The following HIPK2 variants were observed in gnomAD, a reference collection of about 807,000 sequenced individuals.
The protein encoded by HIPK2 is homeodomain-interacting protein kinase 2.
In HIPK2, 27 loss-of-function variants were observed where a neutral mutation model predicts 113.7. That is an observed-to-expected ratio of 0.24 (90% confidence interval 0.17 to 0.33). The LOEUF is 0.33. HIPK2 is among the 10% of genes least tolerant of loss of function. The pLI, the probability that HIPK2 is intolerant of heterozygous loss-of-function variation, is 1.00. For synonymous variants in HIPK2, 631 were observed against 642.2 expected, an observed-to-expected ratio of 0.98 and a Z score of 0.26; for missense variants, 1,257 against 1,588.0, an observed-to-expected ratio of 0.79 and a Z score of 3.54.
At chr7:139,661,278 C>T (rs1449521595) in intron 2 of HIPK2, among the ~76,000 whole-genome samples, 1 of 152,210 alleles carries the variant, frequency 6.6e-6, no homozygotes. Context: ...ATATAAGCGT[C>T]TCTTCTACAG....
At chr7:139,775,998 G>T (rs941146896) in intron 1 of HIPK2, among the ~76,000 whole-genome samples, 2 of 152,140 alleles carry the variant, frequency 1.3e-5, no homozygotes, top group African/African-American at 4.8e-5. Flanking sequence ...TCTCAAGGAG[G>T]TACTTAATAA....
chr7:139,653,417 G>A (rs1219619321), intron 2 of HIPK2, among the ~76,000 whole-genome samples: 1 of 151,208 alleles, frequency 6.6e-6, no homozygotes, highest in African/African-American at 2.4e-5. Context: ...AGAATGGGTG[G>A]TGGGATTTAG....
At chr7:139,706,546 TA>T (rs1451011830) in intron 2 of HIPK2, among the ~76,000 whole-genome samples, 1 of 152,216 alleles carries the variant, frequency 6.6e-6, no homozygotes, top group Admixed American at 6.5e-5. Flanking sequence ...CAACATTTAA[TA>T]AGCATTAAGG....
intron 1 of HIPK2, among the ~76,000 whole-genome samples, chr7:139,720,870 CAAAAAGAT>C (rs1795388372): frequency 6.6e-6 from 1 of 152,132 alleles, no homozygotes; most frequent in African/African-American, 2.4e-5. Context: ...TTCACTGTTT[CAAAAAGAT>C]CTTGGTGGAA....
At chr7:139,654,308 T>C (rs910510566) in intron 2 of HIPK2, among the ~76,000 whole-genome samples, 5 of 152,080 alleles carry the variant, frequency 3.3e-5, no homozygotes, top group African/African-American at 1.2e-4. Context: ...GCCCAGGAAT[T>C]TGAGACCAGC....
chr7:139,628,505 T>C (rs1800504678), intron 5 of HIPK2, among the ~76,000 whole-genome samples: 1 of 151,366 alleles, frequency 6.6e-6, no homozygotes, highest in Non-Finnish European at 1.5e-5. Flanking sequence ...TGCAGTGGTG[T>C]GATCTCGGCT....
chr7:139,773,230 C>T (rs1247275550), intron 1 of HIPK2, among the ~76,000 whole-genome samples: 1 of 152,160 alleles, frequency 6.6e-6, no homozygotes, highest in African/African-American at 2.4e-5. Context: ...TCAATATGGC[C>T]TAAGTCACAG....
chr7:139,677,389 A>C (rs1269803712), intron 2 of HIPK2, among the ~76,000 whole-genome samples: 1 of 152,136 alleles, frequency 6.6e-6, no homozygotes, highest in East Asian at 1.9e-4. Context: ...GTGCTACTAT[A>C]AAACAACACC....
intron 1 of HIPK2, among the ~76,000 whole-genome samples, chr7:139,772,939 C>A (rs1278491332): frequency 1.9e-4 from 28 of 145,508 alleles, no homozygotes; most frequent in African/African-American, 6.6e-4. Flanking sequence ...GTATGAACTG[C>A]CACTAAAAAA....
chr7:139,604,954 T>C (rs1257670979), intron 9 of HIPK2, among the ~76,000 whole-genome samples: 2 of 152,306 alleles, frequency 1.3e-5, no homozygotes, highest in East Asian at 1.9e-4. Context: ...GTATCCTTTA[T>C]TTAACATTTT....
At chr7:139,607,398 T>C (rs1047142334) in intron 9 of HIPK2, among the ~76,000 whole-genome samples, 1 of 152,030 alleles carries the variant, frequency 6.6e-6, no homozygotes, top group African/African-American at 2.4e-5. Flanking sequence ...AGAAGGCATG[T>C]AGTCATGAAA....
At chr7:139,651,412 A>G (rs1342062596) in intron 2 of HIPK2, among the ~76,000 whole-genome samples, 2 of 152,238 alleles carry the variant, frequency 1.3e-5, no homozygotes, top group Non-Finnish European at 2.9e-5. Context: ...TGATATTCCT[A>G]AAAGTTTGGA....
intron 1 of HIPK2, among the ~76,000 whole-genome samples, chr7:139,765,992 T>C (rs10487659): frequency 0.027 from 4,111 of 152,316 alleles, 167 homozygotes; most frequent in African/African-American, 0.093. Flanking sequence ...TATCCAGATT[T>C]TGATGAAAAC....
intron 2 of HIPK2, among the ~76,000 whole-genome samples, chr7:139,651,474 G>A (rs1412415652): frequency 6.6e-6 from 1 of 152,164 alleles, no homozygotes; most frequent in African/African-American, 2.4e-5. Flanking sequence ...TTGTCAGTTC[G>A]TGGTCACAAT....
At chr7:139,701,700 T>C (rs1367063061) in intron 2 of HIPK2, among the ~76,000 whole-genome samples, 3 of 152,138 alleles carry the variant, frequency 2.0e-5, no homozygotes, top group African/African-American at 7.2e-5. Flanking sequence ...GGGGATCAAA[T>C]GGATAAATGA....
In HIPK2 at chr7:139,578,426, G is replaced by A. The variant is rs1473670920; in HGVS notation, c.2966-3138C>T. 3.1e-4 allele frequency among the ~76,000 whole-genome samples: 47 copies of A among 152,218 alleles called. 1 individual carries two copies. Among genetic ancestry groups the A allele is most frequent in the Admixed American group, 3.0e-3 (46 of 15,286 alleles). On this transcript the variant is annotated intron_variant, in intron 13 of 14. Transcript: ENST00000406875. The stretch of plus-strand genomic sequence containing the variant: ...CTCCCAAAGTGTTGGGATTACAGGC[G>A]TGAGCCACTGTGCCCAGCCATGGTA...
chr7:139,777,230 G>T (rs1028229346), intron 1 of HIPK2: 1 of 152,260 alleles, frequency 6.6e-6, no homozygotes, highest in African/African-American at 2.4e-5. Flanking sequence ...TGGAAAGGAG[G>T]TGCTCCGAAA....
In HIPK2 at chr7:139,683,401, C is replaced by T. The variant is rs1194764805; in HGVS notation, c.1103+32531G>A. On this transcript the variant is annotated intron_variant, in intron 2 of 14. Coordinates refer to ENST00000406875, the MANE Select transcript of HIPK2 (RefSeq NM_022740.5). This position sits in a 1 kb window ranked among gnomAD's most constrained non-coding sequence, Gnocchi z 4.2. Reference sequence around the variant, plus strand: ...CATGAGGCTGCGATCAAGATGTTTCCAAGCTCCCCAAGGCAGCTGCGGTCT... The same window carrying T: ...CATGAGGCTGCGATCAAGATGTTTCTAAGCTCCCCAAGGCAGCTGCGGTCT... Among the ~76,000 whole-genome samples the T allele has an allele frequency of 6.6e-6, 1 of 152,178 alleles. No individual in the cohort carries two copies. Among genetic ancestry groups the T allele is most frequent in the African/African-American group, 2.4e-5 (1 of 41,434 alleles).
At chr7:139,773,540 C>T (rs1796688467) in intron 1 of HIPK2, among the ~76,000 whole-genome samples, 2 of 152,198 alleles carry the variant, frequency 1.3e-5, no homozygotes, top group Non-Finnish European at 2.9e-5. Flanking sequence ...TCACATATCA[C>T]ACCCTCTTGA....
Sources: gnomAD v4.1 joint callset for allele counts (sites outside exome capture counted in the v4.1 genomes callset) on GRCh38, gnomAD v4.1.1 for gene constraint, Gnocchi (gnomAD v3.1) non-coding constraint, MANE v1.5 for transcripts, NCBI Gene and HGNC (gene_info 2026-07-23, HGNC 2026-07-21) for gene names.